PATJ: variants seen among roughly 807,000 people sequenced by gnomAD.
PATJ encodes the protein inaD-like protein.
PATJ carries 190 observed loss-of-function variants against 224.9 expected under a neutral mutation model. The ratio of observed to expected loss-of-function variants is 0.84; its 90% CI spans 0.75 to 0.95. PATJ has a LOEUF of 0.95. PATJ is among the 40% of genes least tolerant of loss of function. The pLI is 0.00. For missense variants in PATJ, 2,121 were observed against 2,270.3 expected, an observed-to-expected ratio of 0.93 and a Z score of 1.34; for synonymous variants, 769 against 820.3, an observed-to-expected ratio of 0.94 and a Z score of 1.07.
chr1:61,878,613 G>A (rs1241488035), intron 21 of PATJ, among the ~76,000 whole-genome samples: 2 of 151,804 alleles, frequency 1.3e-5, no homozygotes, highest in Non-Finnish European at 2.9e-5. Flanking sequence ...GGAGGCCAAG[G>A]CAGGAGGATC....
At position 62,042,544 on chromosome 1, in the gene PATJ, T is replaced by G. The variant is rs1039203720; in HGVS notation, c.4032+4495T>G. 2.6e-5 allele frequency among the ~76,000 whole-genome samples: 4 copies of G among 152,366 alleles called. No individual in the cohort carries two copies. In the East Asian group the frequency reaches 7.7e-4, roughly 29 times the overall value. On this transcript the variant is annotated intron_variant, in intron 30 of 43. Transcript: ENST00000642238. Reference sequence around the variant, plus strand: ...AGATGAAATAGAGCCATATCATTATTAAATTGGACCTGATAATAATAATTC... The same window carrying G: ...AGATGAAATAGAGCCATATCATTATGAAATTGGACCTGATAATAATAATTC...
chr1:61,843,410 A>C (rs555431002), intron 17 of PATJ, among the ~76,000 whole-genome samples: 1 of 152,330 alleles, frequency 6.6e-6, no homozygotes, highest in Admixed American at 6.5e-5. Context: ...AAATAGAAGT[A>C]ATATTTGCTT....
At chr1:61,905,464 A>G (rs189154949) in intron 24 of PATJ, among the ~76,000 whole-genome samples, 35 of 152,388 alleles carry the variant, frequency 2.3e-4, no homozygotes, top group African/African-American at 8.2e-4. Context: ...ATTTCATAAT[A>G]TGGATGTACC....
chr1:62,009,998 G>A (rs950906746), intron 28 of PATJ, among the ~76,000 whole-genome samples: 3 of 149,670 alleles, frequency 2.0e-5, no homozygotes, highest in African/African-American at 4.9e-5. Context: ...CAGGAGAATC[G>A]CTTGAACCTG....
intron 33 of PATJ, among the ~76,000 whole-genome samples, chr1:62,087,721 A>G (rs890380184): frequency 1.3e-5 from 2 of 151,166 alleles, no homozygotes; most frequent in Non-Finnish European, 2.9e-5. Context: ...AAAGGATTTT[A>G]TCTCCTTCTG....
At chr1:62,150,679 G>GAAAA (rs56167585) in intron 42 of PATJ, among the ~76,000 whole-genome samples, 84 of 81,986 alleles carry the variant, frequency 1.0e-3, no homozygotes, top group Admixed American at 1.6e-3. Context: ...CCTGTCTCAA[G>GAAAA]AAAAAAAAAA....
intron 17 of PATJ, among the ~76,000 whole-genome samples, chr1:61,841,155 C>T (rs927748563): frequency 6.6e-6 from 1 of 151,934 alleles, no homozygotes; most frequent in Non-Finnish European, 1.5e-5. Context: ...CTATTTCTTC[C>T]ACTTAATTTT....
intron 16 of PATJ, among the ~76,000 whole-genome samples, chr1:61,832,876 A>G (rs1659578793): frequency 6.6e-6 from 1 of 152,204 alleles, no homozygotes; most frequent in African/African-American, 2.4e-5. Flanking sequence ...ATTCTTCTGC[A>G]TAGTAGATTC....
intron 30 of PATJ, among the ~76,000 whole-genome samples, chr1:62,040,648 G>T (rs1322049320): frequency 2.0e-5 from 3 of 152,054 alleles, no homozygotes; most frequent in Admixed American, 6.6e-5. Flanking sequence ...GAGGAATATG[G>T]CTGGAAGCGT....
chr1:62,138,105 G>A (rs1667141065), intron 41 of PATJ, among the ~76,000 whole-genome samples: 1 of 152,134 alleles, frequency 6.6e-6, no homozygotes, highest in Non-Finnish European at 1.5e-5. Context: ...TAAGAGTTGG[G>A]GAGGATGAGG....
chr1:62,082,974 G>C (rs115077548), intron 32 of PATJ, among the ~76,000 whole-genome samples: 1,661 of 152,208 alleles, frequency 0.011, 12 homozygotes, highest in Middle Eastern at 0.031. Context: ...CATAATGTAA[G>C]AAACAATACT....
intron 27 of PATJ, among the ~76,000 whole-genome samples, chr1:61,942,213 A>G (rs924860130): frequency 2.0e-5 from 3 of 152,250 alleles, no homozygotes; most frequent in African/African-American, 7.2e-5. Context: ...GAAAAAATAT[A>G]TGCTTTCAAC....
At chr1:62,020,395 C>T (rs1647013427) in intron 29 of PATJ, among the ~76,000 whole-genome samples, 1 of 152,070 alleles carries the variant, frequency 6.6e-6, no homozygotes, top group East Asian at 1.9e-4. Context: ...TCCACATGGG[C>T]CATGCCATTT....
At position 61,833,714 on chromosome 1, in the gene PATJ, T is replaced by TCC; in HGVS notation, c.2044_2045dup (p.Glu683LeufsTer8). 2 of 1,613,552 alleles carry TCC rather than the reference T, an allele frequency of 1.2e-6. No homozygotes were observed. The highest frequency in any genetic ancestry group is 1.7e-6 in the Non-Finnish European group (2 of 1,179,560). ...TGATGATGGGGAATTAGCACTGTGGTCCCCTGAAGTCAAGATTGTTGAACT... is the reference window on the plus strand; with the variant it reads ...TGATGATGGGGAATTAGCACTGTGGTCCCCCCTGAAGTCAAGATTGTTGAACT... On this transcript the variant is annotated frameshift_variant, in exon 17 of 44. Transcript: ENST00000642238. LOFTEE classifies it high-confidence loss of function.
chr1:62,138,209 C>T (rs1253092265), intron 41 of PATJ, among the ~76,000 whole-genome samples: 1 of 152,160 alleles, frequency 6.6e-6, no homozygotes, highest in African/African-American at 2.4e-5. Context: ...AATGGTGATG[C>T]AATACCCATC....
rs188005450 is a variant in PATJ, at chr1:61,929,654, A to G, written c.3670+1825A>G. 1.1e-3 allele frequency among the ~76,000 whole-genome samples: 170 copies of G among 152,312 alleles called. 4 individuals carry two copies. Among genetic ancestry groups the G allele is most frequent in the Non-Finnish European group, 5.9e-4 (40 of 68,032 alleles). ...AACAAATAGTAGAAATGGGGTTCAA[A>G]CCCATGTACTCTTACTCCAGAGCCT... On this transcript the variant is annotated intron_variant, in intron 27 of 43. Transcript: ENST00000642238.
At chr1:61,911,988 T>C (rs78711282) in intron 25 of PATJ, among the ~76,000 whole-genome samples, 7,965 of 149,230 alleles carry the variant, frequency 0.053, 368 homozygotes, top group South Asian at 0.25. Flanking sequence ...TTCTAAACTT[T>C]ATTTTCATTC....
At chr1:61,780,939 T>A in intron 7 of PATJ, among the ~76,000 whole-genome samples, 1 of 152,198 alleles carries the variant, frequency 6.6e-6, no homozygotes, top group East Asian at 1.9e-4. Flanking sequence ...GGTATGCTTG[T>A]CATAGGGTCA....
chr1:62,144,777 A>ATATATATATAT (rs1553280094), intron 41 of PATJ, among the ~76,000 whole-genome samples: 42 of 119,100 alleles, frequency 3.5e-4, no homozygotes, highest in African/African-American at 1.3e-3. Context: ...AAAAAAAAAA[A>ATATATATATAT]ATATATATAT....
Sources: gnomAD v4.1 joint callset for allele counts (sites outside exome capture counted in the v4.1 genomes callset) on GRCh38, gnomAD v4.1.1 for gene constraint, MANE v1.5 for transcripts, NCBI Gene and HGNC (gene_info 2026-07-23, HGNC 2026-07-21) for gene names.